Variants in CADM1 observed in about 807,000 individuals in gnomAD.
CADM1 encodes TSLC-1.
In CADM1, 15 loss-of-function variants were observed where a neutral mutation model predicts 53.1. That is an observed-to-expected ratio of 0.28 (90% CI 0.19 to 0.44). The LOEUF is 0.44. Among genes scored for constraint, CADM1 ranks in the 20% least tolerant of loss-of-function variants. The pLI is 1.00. For missense variants in CADM1, 434 were observed against 611.3 expected (o/e 0.71, Z 3.06); for synonymous variants, 281 against 243.0 (o/e 1.16, Z -1.45).
chr11:115,415,391 C>A (rs1351759926), intron 1 of CADM1, among the ~76,000 whole-genome samples: 2 of 152,036 alleles, frequency 1.3e-5, no homozygotes, highest in Admixed American at 1.3e-4. Flanking sequence ...CCTGTTAGAT[C>A]CTATGGCCGG....
In CADM1 at chr11:115,209,445, G is replaced by A. The variant is rs539476078; in HGVS notation, c.1078+129C>T. 235 of 1,358,706 alleles carry A rather than the reference G, an allele frequency of 1.7e-4. 1 individual carries two copies. In the African/African-American group the frequency reaches 2.4e-3, roughly 14 times the overall value. 84.2% of individuals were successfully genotyped at this position (1,358,706 alleles called of 1,614,324 possible). A position where few individuals can be genotyped will look rare whatever the true frequency, so the allele number is the denominator to read the frequency against. ...ACTTAAGAACATAGTATCTAATGTC[G>A]TTGGAGTTCCAAAATAAAGGAACGA... On this transcript the variant is annotated intron_variant, in intron 8 of 11. Coordinates refer to ENST00000331581, the MANE Select transcript of CADM1 (RefSeq NM_001301043.2).
intron 8 of CADM1, among the ~76,000 whole-genome samples, chr11:115,206,508 C>T (rs1415552269): frequency 1.3e-5 from 2 of 152,210 alleles, no homozygotes; most frequent in South Asian, 4.1e-4. Flanking sequence ...GGAAGTCAGG[C>T]GACTCAGAAC....
chr11:115,230,070 G>T (rs1174505554), intron 4 of CADM1, among the ~76,000 whole-genome samples: 1 of 152,122 alleles, frequency 6.6e-6, no homozygotes, highest in Non-Finnish European at 1.5e-5. Flanking sequence ...GTACTTATCG[G>T]TACACATTTA....
chr11:115,428,754 GA>G (rs903703680), intron 1 of CADM1, among the ~76,000 whole-genome samples: 11 of 141,480 alleles, frequency 7.8e-5, no homozygotes, highest in African/African-American at 2.6e-4. Context: ...TAGCTATAGA[GA>G]AAAAAAACTA....
At chr11:115,424,712 GA>G (rs1164450284) in intron 1 of CADM1, among the ~76,000 whole-genome samples, 4 of 152,036 alleles carry the variant, frequency 2.6e-5, no homozygotes, top group African/African-American at 9.7e-5. Context: ...TTTTTGTAGA[GA>G]GGGGGTTTCG....
At chr11:115,225,630 C>T (rs1476496234) in intron 5 of CADM1, among the ~76,000 whole-genome samples, 2 of 152,136 alleles carry the variant, frequency 1.3e-5, no homozygotes, top group Non-Finnish European at 2.9e-5. Context: ...AAGACAAAAG[C>T]AATTCCAAGT....
intron 1 of CADM1, among the ~76,000 whole-genome samples, chr11:115,420,887 T>C (rs1288189128): frequency 6.6e-6 from 1 of 152,262 alleles, no homozygotes; most frequent in Admixed American, 6.5e-5. Context: ...TTGGAACAAA[T>C]CATTCTTGCT....
intron 1 of CADM1, among the ~76,000 whole-genome samples, chr11:115,437,088 T>C (rs1028336221): frequency 2.6e-5 from 4 of 152,160 alleles, no homozygotes; most frequent in African/African-American, 9.7e-5. Flanking sequence ...TAGACTAATA[T>C]ACACAAAATC....
rs1458545778 is a variant in CADM1 at position 115,190,562 on chromosome 11, CAA to C, written c.1165+324_1165+325del. 1.8e-5 allele frequency: 4 copies of C among 224,240 alleles called. No homozygotes were observed. In the South Asian group the frequency reaches 4.4e-4, roughly 25 times the overall value. The allele number at this position is 224,240 out of a possible 1,614,324, so 13.9% of individuals were successfully genotyped here. A position where few individuals can be genotyped will look rare whatever the true frequency, so the allele number is the denominator to read the frequency against. On this transcript the variant is annotated intron_variant, in intron 10 of 11. Transcript: ENST00000331581. ...ATCCTTAAATTGCTTTGTAATACAA[CAA>C]AATTTCTCCCGACACATTATATATC...
rs1945045368 is a variant in CADM1 at position 115,328,721 on chromosome 11, T to TATATGTATA, written c.125-88310_125-88302dup. Among the ~76,000 whole-genome samples, 2 of 122,278 alleles carry TATATGTATA rather than the reference T, an allele frequency of 1.6e-5. 1 individual carries two copies. Among genetic ancestry groups the TATATGTATA allele is most frequent in the African/African-American group, 5.9e-5 (2 of 33,626 alleles). The allele number at this position is 122,278 out of a possible 152,430, so 80.2% of individuals were successfully genotyped here. On this transcript the variant is annotated intron_variant, in intron 1 of 11. Transcript: ENST00000331581. ...ATATATGTATATATATATGTGTATA[T>TATATGTATA]ATATGTATATACATATATATATATA... is the stretch of plus-strand genomic sequence containing the variant.
chr11:115,504,066 C>T (rs1949795822), intron 1 of CADM1, among the ~76,000 whole-genome samples: 1 of 152,052 alleles, frequency 6.6e-6, no homozygotes, highest in Non-Finnish European at 1.5e-5. Flanking sequence ...GACTCTCATT[C>T]ACACTTAGCC....
intron 1 of CADM1, among the ~76,000 whole-genome samples, chr11:115,428,707 T>C (rs1217847155): frequency 6.6e-6 from 1 of 152,136 alleles, no homozygotes; most frequent in African/African-American, 2.4e-5. Flanking sequence ...TGACAGAATG[T>C]AGAGATATCA....
intron 1 of CADM1, among the ~76,000 whole-genome samples, chr11:115,368,074 C>A (rs893685744): frequency 7.4e-5 from 11 of 149,282 alleles, no homozygotes; most frequent in Non-Finnish European, 1.3e-4. Context: ...ATTAAAAACT[C>A]CCCAGGCACA....
At chr11:115,356,860 T>C (rs1028464393) in intron 1 of CADM1, among the ~76,000 whole-genome samples, 1 of 152,184 alleles carries the variant, frequency 6.6e-6, no homozygotes, top group African/African-American at 2.4e-5. Flanking sequence ...AAGAAATATA[T>C]ATATTATTTT....
intron 1 of CADM1, among the ~76,000 whole-genome samples, chr11:115,469,731 G>C (rs913927477): frequency 1.4e-5 from 2 of 144,914 alleles, no homozygotes; most frequent in Admixed American, 1.4e-4. Flanking sequence ...GAGTGCAGTG[G>C]CACTATCTCA....
chr11:115,468,653 G>C (rs760631877), intron 1 of CADM1, among the ~76,000 whole-genome samples: 1 of 152,118 alleles, frequency 6.6e-6, no homozygotes, highest in Non-Finnish European at 1.5e-5. Flanking sequence ...TGAGTTTTTA[G>C]AAAGAGAAAT....
intron 1 of CADM1, among the ~76,000 whole-genome samples, chr11:115,497,821 G>A (rs971591883): frequency 5.3e-5 from 8 of 151,986 alleles, no homozygotes; most frequent in African/African-American, 1.9e-4. Context: ...CAGAGGGGGC[G>A]GTGCAGGGGG....
intron 1 of CADM1, among the ~76,000 whole-genome samples, chr11:115,348,129 T>C (rs956176014): frequency 2.6e-5 from 4 of 152,160 alleles, no homozygotes; most frequent in African/African-American, 9.7e-5. Flanking sequence ...GCTTGCCTAT[T>C]GAAAAGAGAA....
chr11:115,483,835 A>C (rs1210771838), intron 1 of CADM1, among the ~76,000 whole-genome samples: 1 of 152,202 alleles, frequency 6.6e-6, no homozygotes, highest in Non-Finnish European at 1.5e-5. Context: ...CCACATTTCA[A>C]GTACTAAATA....
Sources: gnomAD v4.1 joint callset for allele counts (sites outside exome capture counted in the v4.1 genomes callset) on GRCh38, gnomAD v4.1.1 for gene constraint, MANE v1.5 for transcripts, NCBI Gene and HGNC (gene_info 2026-07-23, HGNC 2026-07-21) for gene names.